CAPN6: variants seen among roughly 807,000 people sequenced by gnomAD.
CAPN6 encodes the protein calpain 6, also known as calpain-6.
CAPN6 carries 16 observed loss-of-function variants against 46.0 expected under a neutral mutation model. That is an observed-to-expected ratio of 0.35 (90% CI 0.24 to 0.53). The LOEUF is 0.53. Ranked by LOEUF, CAPN6 falls within the 20% of genes least tolerant of loss-of-function variation. The probability of loss-of-function intolerance (pLI) is 0.94; values close to 1 mark genes in which losing one functional copy is unlikely to be tolerated. For missense variants in CAPN6, 461 were observed against 498.0 expected (o/e 0.93, Z 0.71); for synonymous variants, 206 against 172.8 (o/e 1.19, Z -1.51).
At position 111,246,557 on chromosome X, in the gene CAPN6, G is replaced by C. The variant is rs762939222; in HGVS notation, c.*20C>G. On this transcript the variant is annotated 3_prime_UTR_variant, in exon 13 of 13. Coordinates refer to ENST00000324068, the MANE Select transcript of CAPN6 (RefSeq NM_014289.4). ...ATAAAAGGGTGGCACGCTTTGTCAG[G>C]ATTCTCTGGGATTGCAGATTTAGAG... 7 of 1,186,374 alleles carry C rather than the reference G, an allele frequency of 5.9e-6. No homozygotes were observed. In the African/African-American group the frequency reaches 1.2e-4, roughly 21 times the overall value.
chrX:111,257,507 G>A (rs779377782), intron 2 of CAPN6, among the ~76,000 whole-genome samples: 2 of 112,220 alleles, frequency 1.8e-5, no homozygotes, highest in East Asian at 2.8e-4. Context: ...GGCATTAAAA[G>A]ACTAGAAAGT....
chrX:111,251,491 G>T, intron 6 of CAPN6, 58 bp downstream of exon 6: 2 of 1,021,801 alleles, frequency 2.0e-6, no homozygotes, highest in South Asian at 2.0e-5. Context: ...TGGAGGGATG[G>T]GTCTGGGAGA....
chrX:111,251,456 G>A, intron 6 of CAPN6, 93 bp downstream of exon 6: 2 of 908,640 alleles, frequency 2.2e-6, no homozygotes, highest in South Asian at 2.2e-5. Context: ...AGATGTCACT[G>A]AGCATTGACA....
intron 2 of CAPN6, among the ~76,000 whole-genome samples, chrX:111,259,763 CT>C (rs1359019250): frequency 8.9e-6 from 1 of 111,757 alleles, no homozygotes; most frequent in African/African-American, 3.3e-5. Context: ...GGCTTTACTC[CT>C]TTTTAGTCAG....
At chrX:111,265,949 T>C (rs1250938776) in intron 1 of CAPN6, among the ~76,000 whole-genome samples, 3 of 111,259 alleles carry the variant, frequency 2.7e-5, no homozygotes, top group African/African-American at 9.8e-5. Flanking sequence ...GTTTGATTTT[T>C]AAAGCCCATG....
chrX:111,263,844 T>C lies in CAPN6; in HGVS notation c.93A>G (p.Thr31=), dbSNP rs2094989874. 3.3e-6 allele frequency: 4 copies of C among 1,208,175 alleles called. No individual in the cohort carries two copies. In the African/African-American group the frequency reaches 5.2e-5, roughly 16 times the overall value. The change falls in exon 2 of 13, where the codon ACA becomes ACG. Residue 31 remains threonine, a synonymous_variant. Coordinates refer to ENST00000324068, the MANE Select transcript of CAPN6 (RefSeq NM_014289.4). ...AAAGAGAATCATTCTCAGGCAGAAA[T>C]GTTGGATCACAGAAAAGTCTGCTGT... is the stretch of plus-strand genomic sequence containing the variant. The part of the protein sequence containing the change: ...IKDSRLFCDP[T]FLPENDSLFY...
At chrX:111,249,192 C>A (rs1365594295) in intron 8 of CAPN6, 135 bp from the exon 9 acceptor site, 4 of 652,090 alleles carry the variant, frequency 6.1e-6, no homozygotes, top group Non-Finnish European at 9.2e-6. Flanking sequence ...ATTTATCAGA[C>A]AACAAGGTCT....
chrX:111,264,010 A>G, intron 1 of CAPN6, 59 bp from the exon 2 acceptor site: 1 of 786,427 alleles, frequency 1.3e-6, no homozygotes, highest in Non-Finnish European at 1.8e-6. Flanking sequence ...TTTAAGGGTT[A>G]CCTGAGATTA....
At chrX:111,264,431 C>T (rs562790251) in intron 1 of CAPN6, among the ~76,000 whole-genome samples, 2 of 111,762 alleles carry the variant, frequency 1.8e-5, no homozygotes, top group African/African-American at 3.2e-5. Context: ...CAGCCTCTTT[C>T]CATTCCAGCA....
chrX:111,250,188 A>G (rs1384258447), intron 8 of CAPN6, among the ~76,000 whole-genome samples: 1 of 111,688 alleles, frequency 9.0e-6, no homozygotes, highest in African/African-American at 3.3e-5. Flanking sequence ...GATCCATGAA[A>G]AGAAAAGACG....
At chrX:111,246,807 T>G in intron 12 of CAPN6, 48 bp from the exon 13 acceptor site, 1 of 1,064,570 alleles carries the variant, frequency 9.4e-7, no homozygotes, top group East Asian at 3.0e-5. Context: ...CTCAGTGAGA[T>G]TAGCCTTTGC....
chrX:111,247,569 G>A, intron 11 of CAPN6, 65 bp from the exon 12 acceptor site: 2 of 1,093,139 alleles, frequency 1.8e-6, no homozygotes, highest in Non-Finnish European at 2.5e-6. Context: ...TAGACAAGAA[G>A]GTATCTCGCT....
intron 1 of CAPN6, among the ~76,000 whole-genome samples, chrX:111,265,868 G>T (rs1269442508): frequency 4.5e-5 from 5 of 111,525 alleles, no homozygotes; most frequent in Non-Finnish European, 3.8e-5. Flanking sequence ...GCAAGATCCT[G>T]CAAAAGGAAT....
intron 2 of CAPN6, among the ~76,000 whole-genome samples, chrX:111,255,128 A>T (rs1311951693): frequency 8.9e-6 from 1 of 111,976 alleles, no homozygotes; most frequent in Non-Finnish European, 1.9e-5. Context: ...CTTCCCCCCA[A>T]CATATTAACT....
At chrX:111,248,025 A>G (rs770744191) in intron 10 of CAPN6, 33 bp from the exon 11 acceptor site, 2 of 1,181,442 alleles carry the variant, frequency 1.7e-6, no homozygotes, top group Non-Finnish European at 1.2e-6. Flanking sequence ...TTGTCATCAT[A>G]TGATAAATAT....
rs759794694 is a variant in CAPN6, at chrX:111,260,746, C to T, written c.165+3026G>A. ...TCCAGAACCTTGTTTTTTTCTCCTG[C>T]TCCCCACAAGAGGCCCCTTCTCCAA... On this transcript the variant is annotated intron_variant, in intron 2 of 12. Transcript: ENST00000324068. Among the ~76,000 whole-genome samples, 13 of 112,412 alleles carry T rather than the reference C, an allele frequency of 1.2e-4. No homozygotes were observed. The East Asian group carries it at 3.4e-3, about 29-fold the overall frequency.
At chrX:111,248,911 T>G in intron 9 of CAPN6, 24 bp downstream of exon 9, 1 of 1,211,477 alleles carries the variant, frequency 8.3e-7, no homozygotes. Flanking sequence ...CTTCATTCTC[T>G]CTGCCCCAAA....
chrX:111,255,494 T>A (rs1202791132), intron 2 of CAPN6, among the ~76,000 whole-genome samples: 1 of 112,987 alleles, frequency 8.9e-6, no homozygotes, highest in African/African-American at 3.2e-5. Context: ...CTTGACTAGA[T>A]GGAGAAAGCT....
intron 2 of CAPN6, among the ~76,000 whole-genome samples, chrX:111,259,385 A>T (rs1381384839): frequency 1.8e-5 from 2 of 112,438 alleles, no homozygotes; most frequent in African/African-American, 6.5e-5. Flanking sequence ...CTAGGCCAAA[A>T]CTACTATACC....
Sources: allele counts gnomAD v4.1 joint callset (sites outside exome capture counted in the v4.1 genomes callset), GRCh38; gene constraint gnomAD v4.1.1; transcripts MANE v1.5; gene names NCBI Gene and HGNC (gene_info 2026-07-23, HGNC 2026-07-21).